OSBPL9: variants seen among roughly 807,000 people sequenced by gnomAD.
The protein encoded by OSBPL9 is oxysterol binding protein like 9, also known as oxysterol-binding protein-related protein 9.
In OSBPL9, 40 loss-of-function variants were observed where a neutral mutation model predicts 106.6. The observed-to-expected ratio is 0.38, with a 90% CI of 0.29 to 0.49. OSBPL9 has a LOEUF of 0.49. OSBPL9 is among the 20% of genes least tolerant of loss of function. The probability of loss-of-function intolerance (pLI) is 0.97; values close to 1 mark genes in which losing one functional copy is unlikely to be tolerated. For missense variants in OSBPL9, 609 were observed against 887.2 expected, an observed-to-expected ratio of 0.69 and a Z score of 3.98; for synonymous variants, 269 against 295.4, an observed-to-expected ratio of 0.91 and a Z score of 0.92.
chr1:51,695,433 A>G (rs1655820965), intron 3 of OSBPL9, among the ~76,000 whole-genome samples: 2 of 152,190 alleles, frequency 1.3e-5, no homozygotes, highest in South Asian at 4.1e-4. Flanking sequence ...CAGTGTTATT[A>G]CATACCTTAT....
chr1:51,701,057 A>G (rs987588299), intron 3 of OSBPL9, among the ~76,000 whole-genome samples: 7 of 151,844 alleles, frequency 4.6e-5, no homozygotes, highest in African/African-American at 1.7e-4. Context: ...CTTCTGCCTC[A>G]GCCTCCCAAG....
At chr1:51,685,042 T>A (rs1371113176) in intron 3 of OSBPL9, among the ~76,000 whole-genome samples, 1 of 152,000 alleles carries the variant, frequency 6.6e-6, no homozygotes, top group Non-Finnish European at 1.5e-5. Flanking sequence ...CTACAGCCCT[T>A]CCCTAGGCAG....
chr1:51,546,622 G>T, the OSBPL9 span, among the ~76,000 whole-genome samples: 1 of 151,766 alleles, frequency 6.6e-6, no homozygotes, highest in Non-Finnish European at 1.5e-5. Context: ...GCATGAACCC[G>T]GGAGGCGGAG....
chr1:51,617,530 C>T (rs76846310), intron 1 of OSBPL9, among the ~76,000 whole-genome samples: 1,863 of 152,132 alleles, frequency 0.012, 39 homozygotes, highest in African/African-American at 0.043. Flanking sequence ...TAAGGGTGAT[C>T]GTAGTCATGG....
intron 12 of OSBPL9, among the ~76,000 whole-genome samples, chr1:51,770,360 C>T (rs1673602169): frequency 6.6e-6 from 1 of 152,126 alleles, no homozygotes; most frequent in Non-Finnish European, 1.5e-5. Flanking sequence ...CCAGGCTGGT[C>T]TTGAACTCCT....
intron 2 of OSBPL9, among the ~76,000 whole-genome samples, chr1:51,605,022 A>G (rs1643935964): frequency 6.6e-6 from 1 of 152,192 alleles, no homozygotes; most frequent in South Asian, 2.1e-4. Context: ...CTTTTGCCCT[A>G]CTACATGGCA....
At chr1:51,643,243 A>G (rs1420507941) in intron 1 of OSBPL9, among the ~76,000 whole-genome samples, 2 of 152,210 alleles carry the variant, frequency 1.3e-5, no homozygotes, top group Non-Finnish European at 2.9e-5. Context: ...TTTCTAACAC[A>G]TGAACTTTTG....
At chr1:51,588,308 G>A (rs1239415067) in intron 1 of OSBPL9, among the ~76,000 whole-genome samples, 2 of 152,194 alleles carry the variant, frequency 1.3e-5, no homozygotes, top group South Asian at 2.1e-4. Context: ...CTTGAACCTC[G>A]GAGGCTGAAG....
At chr1:51,721,843 G>A (rs755843230) in intron 4 of OSBPL9, among the ~76,000 whole-genome samples, 4 of 152,230 alleles carry the variant, frequency 2.6e-5, no homozygotes, top group Non-Finnish European at 4.4e-5. Flanking sequence ...CAGGTAAAGT[G>A]GAATGGAGAA....
chr1:51,741,543 C>T (rs1190250225), intron 4 of OSBPL9, among the ~76,000 whole-genome samples: 1 of 150,486 alleles, frequency 6.6e-6, no homozygotes, highest in Non-Finnish European at 1.5e-5. Flanking sequence ...CCCACTCCCT[C>T]CCCCAACCTC....
the OSBPL9 span, among the ~76,000 whole-genome samples, chr1:51,553,728 G>A: frequency 6.6e-6 from 1 of 152,068 alleles, no homozygotes; most frequent in Middle Eastern, 3.4e-3. Context: ...TTGCCAGGCT[G>A]GAGTGCAATG....
intron 2 of OSBPL9, among the ~76,000 whole-genome samples, chr1:51,603,920 T>C (rs1441834207): frequency 2.0e-5 from 3 of 152,220 alleles, no homozygotes; most frequent in Non-Finnish European, 4.4e-5. Context: ...ACCTCAGTTA[T>C]GCTGTGGAAC....
Position 51,789,088 on chromosome 1 carries a change from ACAAAGG to A in OSBPL9, c.*1300_*1305del. 3 of 792,512 alleles carry A rather than the reference ACAAAGG, an allele frequency of 3.8e-6. No individual in the cohort carries two copies. Among genetic ancestry groups the A allele is most frequent in the Non-Finnish European group, 6.1e-6 (3 of 489,424 alleles). The allele number at this position is 792,512 out of a possible 1,614,324, so 49.1% of individuals were successfully genotyped here. On this transcript the variant is annotated 3_prime_UTR_variant, in exon 24 of 24. Coordinates refer to ENST00000428468, the MANE Select transcript of OSBPL9 (RefSeq NM_024586.6). ...AGTAACCCTGGGTTTATTAGTCTCA[ACAAAGG>A]ATAAAAAGTAAATCAAATGCTATGA...
In OSBPL9 at chr1:51,788,839, T is replaced by TATC. The variant is rs1030525626; in HGVS notation, c.*1051_*1053dup. ...CATTCTGAAGGGAAATACAGAACTA[T>TATC]ATCTATCTATCTATCTATCATCTTT... On this transcript the variant is annotated 3_prime_UTR_variant, in exon 24 of 24. Transcript: ENST00000428468. Among the ~76,000 whole-genome samples, 24 of 108,258 alleles carry TATC rather than the reference T, an allele frequency of 2.2e-4. No individual in the cohort carries two copies. Among genetic ancestry groups the TATC allele is most frequent in the African/African-American group, 9.4e-4 (23 of 24,594 alleles). 71.0% of individuals were successfully genotyped at this position (108,258 alleles called of 152,430 possible).
intron 8 of OSBPL9, among the ~76,000 whole-genome samples, chr1:51,753,199 C>T (rs1322885325): frequency 1.3e-5 from 2 of 152,066 alleles, no homozygotes; most frequent in South Asian, 2.1e-4. Flanking sequence ...ATAATAACAA[C>T]AGTCAACTTT....
At chr1:51,579,889 T>TAA (rs1557574164) in intron 1 of OSBPL9, among the ~76,000 whole-genome samples, 2 of 150,498 alleles carry the variant, frequency 1.3e-5, no homozygotes, top group African/African-American at 4.9e-5. Context: ...ATAATAATAA[T>TAA]TTAAACGTTC....
intron 3 of OSBPL9, among the ~76,000 whole-genome samples, chr1:51,711,375 G>T (rs557050373): frequency 6.7e-6 from 1 of 148,958 alleles, no homozygotes; most frequent in Non-Finnish European, 1.5e-5. Context: ...GCGGCTGGCC[G>T]GGCAGAGGGG....
In OSBPL9 at chr1:51,783,949, G is replaced by C; in HGVS notation, c.1548G>C (p.Lys516Asn). The change falls in exon 18 of 24, where the codon AAG becomes AAC. Residue 516 changes from lysine to asparagine, a missense_variant. Physicochemically the swap from Lys to Asn is moderately conservative, Grantham distance 94 (BLOSUM62 0). Transcript: ENST00000428468. ...TTTATGCTGAGTGTTTTAACAAGAA[G>C]ATACAATTCAATGCTCATATCTGGA... is the stretch of plus-strand genomic sequence containing the variant. Reference protein sequence around the residue: ...SAFYAECFNKKIQFNAHIWTK... With the variant: ...SAFYAECFNKNIQFNAHIWTK... 1 of 1,613,994 alleles carries C rather than the reference G, an allele frequency of 6.2e-7. No homozygotes were observed. The highest frequency in any genetic ancestry group is 8.5e-7 in the Non-Finnish European group (1 of 1,179,858).
At chr1:51,657,313 G>A (rs1646877893) in intron 2 of OSBPL9, among the ~76,000 whole-genome samples, 1 of 152,144 alleles carries the variant, frequency 6.6e-6, no homozygotes, top group South Asian at 2.1e-4. Flanking sequence ...AAAGGAGAAT[G>A]GAGAAAGGGA....
Sources: allele counts gnomAD v4.1 joint callset (sites outside exome capture counted in the v4.1 genomes callset), GRCh38; gene constraint gnomAD v4.1.1; transcripts MANE v1.5; gene names NCBI Gene and HGNC (gene_info 2026-07-23, HGNC 2026-07-21).